The following ANKS6 variants were observed in gnomAD, a reference collection of about 807,000 sequenced individuals.
ANKS6 encodes the protein ankyrin repeat and sterile alpha motif domain containing 6, also known as ankyrin repeat and SAM domain-containing protein 6.
Under a neutral mutation model 77.9 loss-of-function variants are expected in ANKS6, and 47 were observed. The observed-to-expected ratio is 0.60, with a 90% CI of 0.48 to 0.77. ANKS6 has a LOEUF of 0.77. ANKS6 is among the 30% of genes least tolerant of loss of function. The pLI, the probability that ANKS6 is intolerant of heterozygous loss-of-function variation, is 0.00. For synonymous variants in ANKS6, 488 were observed against 501.7 expected (o/e 0.97, Z 0.37); for missense variants, 1,150 against 1,159.1 (o/e 0.99, Z 0.11).
intron 1 of ANKS6, among the ~76,000 whole-genome samples, chr9:98,795,117 C>G (rs1300426255): frequency 1.3e-5 from 2 of 152,156 alleles, no homozygotes; most frequent in African/African-American, 2.4e-5. Flanking sequence ...AACCCCTCCC[C>G]AAGGGCCAGT....
intron 11 of ANKS6, among the ~76,000 whole-genome samples, chr9:98,767,176 C>G (rs1459918987): frequency 6.6e-6 from 1 of 152,218 alleles, no homozygotes; most frequent in Non-Finnish European, 1.5e-5. Context: ...AATGTGGTGA[C>G]TGTTCTCTGG....
intron 2 of ANKS6, among the ~76,000 whole-genome samples, chr9:98,785,139 G>A (rs1834496459): frequency 6.6e-6 from 1 of 152,144 alleles, no homozygotes; most frequent in Non-Finnish European, 1.5e-5. Context: ...TGCAAATAAA[G>A]CAATCATTTT....
intron 12 of ANKS6, among the ~76,000 whole-genome samples, chr9:98,755,623 G>T (rs1185426270): frequency 6.6e-6 from 1 of 152,064 alleles, no homozygotes; most frequent in Non-Finnish European, 1.5e-5. Flanking sequence ...CCCTTCTCCT[G>T]GAAACAGTAT....
rs1831371285 is a variant in ANKS6, at chr9:98,734,337, C to A, written c.*2182G>T. On this transcript the variant is annotated 3_prime_UTR_variant, in exon 15 of 15. Coordinates refer to ENST00000353234, the MANE Select transcript of ANKS6 (RefSeq NM_173551.5). The stretch of plus-strand genomic sequence containing the variant: ...GAGGTCTACATTTGTGAAAAGGTGA[C>A]CCCCCGGTGCAGCTGTGTATCATTG... 1.0e-6 allele frequency: 1 copy of A among 985,352 alleles called. No homozygotes were observed. The highest frequency in any genetic ancestry group is 4.7e-5 in the South Asian group (1 of 21,286). 61.0% of individuals were successfully genotyped at this position (985,352 alleles called of 1,614,324 possible). A position where few individuals can be genotyped will look rare whatever the true frequency, so the allele number is the denominator to read the frequency against.
chr9:98,795,269 C>G (rs1053158566), intron 1 of ANKS6, among the ~76,000 whole-genome samples: 1 of 152,152 alleles, frequency 6.6e-6, no homozygotes, highest in African/African-American at 2.4e-5. Context: ...CTTTTTGACT[C>G]TAGCTTACCC....
intron 12 of ANKS6, among the ~76,000 whole-genome samples, 195 bp from the exon 13 acceptor site, chr9:98,751,291 C>T (rs941855146): frequency 3.3e-5 from 5 of 152,174 alleles, no homozygotes; most frequent in Non-Finnish European, 7.3e-5. Flanking sequence ...CCCTCTTCCC[C>T]TCAAGGCAGG....
intron 13 of ANKS6, among the ~76,000 whole-genome samples, chr9:98,749,688 A>G (rs946400856): frequency 2.0e-5 from 3 of 152,242 alleles, no homozygotes; most frequent in Non-Finnish European, 4.4e-5. Flanking sequence ...AGCAATACGG[A>G]AAGATTTCTT....
At position 98,780,210 on chromosome 9, in the gene ANKS6, G is replaced by C. The variant is rs773417328; in HGVS notation, c.1347C>G (p.Pro449=). The change falls in exon 6 of 15, where the codon CCC becomes CCG. Residue 449 remains proline, a synonymous_variant. Transcript: ENST00000353234. ...AAACCTTCAGTCCACCCTTGTCATC[G>C]GGCAGCACTGGGATGCTCCAGGGCT... ...VRQPWSIPVL[P]DDKGGLKSWW... is the part of the protein sequence containing the mutation. The C allele has an allele frequency of 3.7e-6, 6 of 1,613,900 alleles. No homozygotes were observed. The African/African-American group carries it at 6.7e-5, about 18-fold the overall frequency.
intron 2 of ANKS6, among the ~76,000 whole-genome samples, chr9:98,785,558 C>T (rs1291238874): frequency 6.6e-6 from 1 of 152,214 alleles, no homozygotes; most frequent in African/African-American, 2.4e-5. Flanking sequence ...AGATGTTAGC[C>T]CCTCCCTCAC....
In ANKS6 at chr9:98,742,927, G is replaced by A. The variant is rs79959014; in HGVS notation, c.2511+2632C>T. ...AACTTTAAGAACAATGTCCTCCATC[G>A]GGATGGGCTCAAGATGTCATGTCAT... is the stretch of plus-strand genomic sequence containing the variant. On this transcript the variant is annotated intron_variant, in intron 14 of 14. Coordinates refer to ENST00000353234, the MANE Select transcript of ANKS6 (RefSeq NM_173551.5). Among the ~76,000 whole-genome samples the A allele has an allele frequency of 5.3e-3, 805 of 152,286 alleles. 6 individuals are homozygous for A. The highest frequency in any genetic ancestry group is 0.024 in the South Asian group (114 of 4,822).
At chr9:98,784,346 C>T in intron 3 of ANKS6, 189 bp from the exon 4 acceptor site, 1 of 499,670 alleles carries the variant, frequency 2.0e-6, no homozygotes. Context: ...CTAGGCGAGA[C>T]AGAGACAAAC....
chr9:98,755,739 C>T (rs1832666066), intron 12 of ANKS6, among the ~76,000 whole-genome samples: 1 of 152,222 alleles, frequency 6.6e-6, no homozygotes, highest in African/African-American at 2.4e-5. Context: ...ACCGAAGGGG[C>T]ATGGCCAATC....
Position 98,790,506 on chromosome 9 carries a change from C to T in ANKS6, c.460G>A (p.Gly154Ser), listed in dbSNP as rs1254591287. Residue 154 changes from glycine to serine, a missense_variant, in exon 2 of 15, where the codon GGC (glycine) becomes AGC (serine). Transcript: ENST00000353234. ...AGCTTCACCACACCCAGGTGGCCGC[C>T]CCGAGAAGCCACAGTGAGCACACTG... is the stretch of plus-strand genomic sequence containing the variant. ...GASVLTVASRGGHLGVVKLLL... is the reference protein window; with the variant it reads ...GASVLTVASRSGHLGVVKLLL... 1.3e-5 allele frequency: 21 copies of T among 1,613,380 alleles called. No homozygotes were observed. The highest frequency in any genetic ancestry group is 1.6e-5 in the Non-Finnish European group (19 of 1,179,948).
intron 4 of ANKS6, 120 bp from the exon 5 acceptor site, chr9:98,782,693 G>A: frequency 1.4e-6 from 1 of 739,508 alleles, no homozygotes; most frequent in East Asian, 2.7e-5. Context: ...GACATGGAAG[G>A]GCAAACAGTC....
chr9:98,779,747 T>A (rs1459827345), intron 6 of ANKS6, among the ~76,000 whole-genome samples: 1 of 152,026 alleles, frequency 6.6e-6, no homozygotes, highest in Non-Finnish European at 1.5e-5. Flanking sequence ...CACTGCAAGC[T>A]CCGCCTCCCG....
intron 6 of ANKS6, 126 bp from the exon 7 acceptor site, chr9:98,778,550 G>T: frequency 1.2e-6 from 1 of 822,714 alleles, no homozygotes; most frequent in Non-Finnish European, 1.9e-6. Context: ...CTGGGGCCCA[G>T]ACAGACATTA....
intron 7 of ANKS6, 65 bp from the exon 8 acceptor site, chr9:98,777,519 A>T (rs1833984370): frequency 6.6e-7 from 1 of 1,517,626 alleles, no homozygotes; most frequent in Non-Finnish European, 9.1e-7. Flanking sequence ...AGGATGAGTG[A>T]CTGGGGCAGG....
chr9:98,777,373 C>A (rs751158672), intron 8 of ANKS6, 32 bp downstream of exon 8: 1 of 1,610,634 alleles, frequency 6.2e-7, no homozygotes, highest in East Asian at 2.2e-5. Flanking sequence ...TGCCGGAGAC[C>A]TAAAATGCTT....
Position 98,796,372 on chromosome 9 carries a change from G to A in ANKS6, c.120C>T (p.Gly40=). The part of the protein sequence containing the change: ...EPGAAEPAER[G]AEPEAGAEPA... ...GCTCCGCGCCCGCCTCCGGCTCCGC[G>A]CCGCGCTCGGCTGGCTCCGCCGCCC... Residue 40 remains glycine (G), a synonymous_variant, in exon 1 of 15, where the codon GGC becomes GGT. Coordinates refer to ENST00000353234, the MANE Select transcript of ANKS6 (RefSeq NM_173551.5). 5 of 1,036,012 alleles carry A rather than the reference G, an allele frequency of 4.8e-6. No individual in the cohort carries two copies. Among genetic ancestry groups the A allele is most frequent in the Non-Finnish European group, 5.8e-6 (5 of 865,034 alleles). 64.2% of individuals were successfully genotyped at this position (1,036,012 alleles called of 1,614,324 possible).
Sources: allele counts gnomAD v4.1 joint callset (sites outside exome capture counted in the v4.1 genomes callset), GRCh38; gene constraint gnomAD v4.1.1; transcripts MANE v1.5; gene names NCBI Gene and HGNC (gene_info 2026-07-23, HGNC 2026-07-21).